The following ST7 variants were observed in gnomAD, a reference collection of about 807,000 sequenced individuals.
The protein encoded by ST7 is suppression of tumorigenicity 7.
Under a neutral mutation model 78.7 loss-of-function variants are expected in ST7, and 28 were observed. The observed-to-expected ratio is 0.36, with a 90% CI of 0.26 to 0.49. The LOEUF (loss-of-function observed/expected upper bound fraction) is 0.49. Ranked by LOEUF, ST7 falls within the 20% of genes least tolerant of loss-of-function variation. The pLI is 0.99. For missense variants in ST7, 418 were observed against 696.0 expected (o/e 0.60, Z 4.49); for synonymous variants, 247 against 249.6 (o/e 0.99, Z 0.10).
chr7:117,205,520 A>G (rs964694353), intron 12 of ST7, among the ~76,000 whole-genome samples: 6 of 152,344 alleles, frequency 3.9e-5, no homozygotes, highest in Admixed American at 1.3e-4. Context: ...AATGATAACT[A>G]TGGGATCATT....
chr7:117,053,353 C>T (rs1018350516), intron 1 of ST7, among the ~76,000 whole-genome samples: 17 of 152,222 alleles, frequency 1.1e-4, no homozygotes, highest in Non-Finnish European at 2.5e-4. Flanking sequence ...TTTCGATGCT[C>T]TCGAAGGTGC....
At position 117,138,542 on chromosome 7, in the gene ST7, A is replaced by C. The variant is rs1804992884; in HGVS notation, c.963+10A>C. On this transcript the variant is annotated intron_variant, in intron 9 of 15. Coordinates refer to ENST00000323984, the MANE Select transcript of ST7 (RefSeq NM_001369598.1). ...GAAAATGATGAGAGATGTGAGTTTG[A>C]GTTTGTGTTTGGGATCAGTGGCTTA... 4 of 1,585,086 alleles carry C rather than the reference A, an allele frequency of 2.5e-6. No homozygotes were observed. The highest frequency in any genetic ancestry group is 3.4e-6 in the Non-Finnish European group (4 of 1,162,892).
At chr7:117,058,852 C>T (rs888726595) in intron 1 of ST7, among the ~76,000 whole-genome samples, 10 of 152,042 alleles carry the variant, frequency 6.6e-5, no homozygotes, top group Non-Finnish European at 1.0e-4. Flanking sequence ...CAATGGAGTA[C>T]GATTCAGCCA....
chr7:117,125,936 A>T (rs1229129396), intron 3 of ST7, among the ~76,000 whole-genome samples: 2 of 152,038 alleles, frequency 1.3e-5, no homozygotes, highest in East Asian at 3.9e-4. Flanking sequence ...ACCAGGCCTT[A>T]ATCTCATTTA....
At chr7:117,215,831 G>C (rs796805629) in intron 13 of ST7, among the ~76,000 whole-genome samples, 1 of 152,302 alleles carries the variant, frequency 6.6e-6, no homozygotes, top group South Asian at 2.1e-4. Flanking sequence ...TTGTGTGCTT[G>C]TCACATAAGA....
chr7:117,009,013 G>A (rs943466582), intron 1 of ST7, among the ~76,000 whole-genome samples: 1 of 152,096 alleles, frequency 6.6e-6, no homozygotes, highest in Non-Finnish European at 1.5e-5. Flanking sequence ...TTTATGTATT[G>A]TTTATGACTA....
chr7:117,164,948 A>G (rs909172735), intron 9 of ST7, among the ~76,000 whole-genome samples: 1 of 151,920 alleles, frequency 6.6e-6, no homozygotes, highest in African/African-American at 2.4e-5. Context: ...TGATGCTGTG[A>G]CTTTAGGAGG....
At chr7:117,030,828 A>G (rs1038557920) in intron 1 of ST7, among the ~76,000 whole-genome samples, 1 of 152,132 alleles carries the variant, frequency 6.6e-6, no homozygotes, top group Admixed American at 6.6e-5. Flanking sequence ...CAGCAACCCC[A>G]CTACTGGATA....
chr7:116,985,143 G>C (rs1794138013), intron 1 of ST7, among the ~76,000 whole-genome samples: 2 of 152,144 alleles, frequency 1.3e-5, no homozygotes, highest in Non-Finnish European at 2.9e-5. Flanking sequence ...TTGTTGATGA[G>C]ATGTTTTTAA....
Position 117,201,904 on chromosome 7 carries a change from G to A in ST7, c.1255-7883G>A, listed in dbSNP as rs149912108. ...CTACTCCTTTCCTGCGCTGCCACGC[G>A]TTCATGTTTTCCAGGGAGCTCTATT... On this transcript the variant is annotated intron_variant, in intron 12 of 15. Transcript: ENST00000323984. Among the ~76,000 whole-genome samples the A allele has an allele frequency of 2.9e-3, 433 of 151,720 alleles. 2 individuals carry two copies. Among genetic ancestry groups the A allele is most frequent in the Non-Finnish European group, 5.2e-3 (352 of 67,958 alleles).
At position 117,131,933 on chromosome 7, in the gene ST7, C is replaced by A; in HGVS notation, c.614C>A (p.Ala205Glu). Residue 205 changes from alanine (A) to glutamate (E), a missense_variant, in exon 6 of 16, where the codon GCA becomes GAA. By Grantham distance (107) the Ala-to-Glu change is moderately radical. This residue lies in a region of ST7 where 288 missense variants were observed against 537.1 expected (regional missense o/e 0.54). Transcript: ENST00000323984. Reference protein sequence around the residue: ...RERNPQARISAAHEALEINEI... With the variant: ...RERNPQARISEAHEALEINEI... ...AGAAACCCCCAAGCTAGGATTTCTG[C>A]AGCTCATGAAGCCTTGGAGATAAAT... The A allele has an allele frequency of 6.2e-7, 1 of 1,611,382 alleles. No individual in the cohort carries two copies. Among genetic ancestry groups the A allele is most frequent in the Non-Finnish European group, 8.5e-7 (1 of 1,178,174 alleles).
At chr7:117,054,837 C>T (rs189715255) in intron 1 of ST7, among the ~76,000 whole-genome samples, 6 of 152,174 alleles carry the variant, frequency 3.9e-5, no homozygotes, top group Non-Finnish European at 8.8e-5. Flanking sequence ...TTCAGTAATA[C>T]ATCCATCTCA....
In ST7 at chr7:117,124,505, AT is replaced by A. The variant is rs1487565205; in HGVS notation, c.394+4787del. Among the ~76,000 whole-genome samples, 6 of 152,296 alleles carry A rather than the reference AT, an allele frequency of 3.9e-5. No individual in the cohort carries two copies. The South Asian group carries it at 1.0e-3, about 26-fold the overall frequency. On this transcript the variant is annotated intron_variant, in intron 3 of 15. Coordinates refer to ENST00000323984, the MANE Select transcript of ST7 (RefSeq NM_001369598.1). The stretch of plus-strand genomic sequence containing the variant: ...ACCTCTATGAGGTGTATAAACCAAG[AT>A]TAACATAATTATTAAGCAATTAAAA...
chr7:116,986,934 A>G (rs915657213), intron 1 of ST7, among the ~76,000 whole-genome samples: 3 of 152,162 alleles, frequency 2.0e-5, no homozygotes, highest in African/African-American at 7.2e-5. Context: ...ATGATTAAGA[A>G]CTTCTGCTGC....
At position 116,992,932 on chromosome 7, in the gene ST7, C is replaced by T. The variant is rs141302327; in HGVS notation, c.151+39241C>T. On this transcript the variant is annotated intron_variant, in intron 1 of 15. Coordinates refer to ENST00000323984, the MANE Select transcript of ST7 (RefSeq NM_001369598.1). The stretch of plus-strand genomic sequence containing the variant: ...GGCAGGGGCAAAGTGCCGCCAGTCT[C>T]TTTGGTAAAACATAATAAGAGTCGC... Among the ~76,000 whole-genome samples, 904 of 152,342 alleles carry T rather than the reference C, an allele frequency of 5.9e-3. 6 individuals carry two copies. The highest frequency in any genetic ancestry group is 0.011 in the Admixed American group (164 of 15,306).
At chr7:117,127,430 G>A (rs976417351) in intron 3 of ST7, among the ~76,000 whole-genome samples, 5 of 151,916 alleles carry the variant, frequency 3.3e-5, no homozygotes, top group Non-Finnish European at 7.4e-5. Flanking sequence ...TAACATAGCT[G>A]TGGCCTAATT....
At chr7:117,086,953 T>G (rs1379096710) in intron 1 of ST7, among the ~76,000 whole-genome samples, 1 of 152,220 alleles carries the variant, frequency 6.6e-6, no homozygotes, top group Non-Finnish European at 1.5e-5. Context: ...AATAGTGGCC[T>G]GTGTGGTGGT....
At chr7:117,188,842 G>A (rs930468818) in intron 10 of ST7, among the ~76,000 whole-genome samples, 1 of 151,978 alleles carries the variant, frequency 6.6e-6, no homozygotes, top group Admixed American at 6.6e-5. Context: ...TTAATGCAAA[G>A]GAAATTTAGT....
At chr7:116,978,329 G>C (rs1411077839) in intron 1 of ST7, among the ~76,000 whole-genome samples, 1 of 152,194 alleles carries the variant, frequency 6.6e-6, no homozygotes, top group Non-Finnish European at 1.5e-5. Context: ...AGCTTCCACA[G>C]GATTTGGAGA....
Sources: allele counts gnomAD v4.1 joint callset (sites outside exome capture counted in the v4.1 genomes callset), GRCh38; gene constraint gnomAD v4.1.1; regional missense constraint gnomAD v4.1.1; transcripts MANE v1.5; gene names NCBI Gene and HGNC (gene_info 2026-07-23, HGNC 2026-07-21).